CDC25C: variants seen among roughly 807,000 people sequenced by gnomAD.
CDC25C encodes cell division cycle 25C, also known as M-phase inducer phosphatase 3.
A neutral mutation model predicts 52.5 loss-of-function variants in CDC25C; 48 were observed. The ratio of observed to expected loss-of-function variants is 0.91; its 90% CI spans 0.72 to 1.16. The LOEUF (loss-of-function observed/expected upper bound fraction) is 1.16. Among genes scored for constraint, CDC25C ranks in the 50% most tolerant of loss-of-function variants. The pLI is 0.00. For synonymous variants in CDC25C, 187 were observed against 206.5 expected, an observed-to-expected ratio of 0.91 and a Z score of 0.81; for missense variants, 510 against 566.1, an observed-to-expected ratio of 0.90 and a Z score of 1.01.
chr5:138,292,016 T>G lies in CDC25C; in HGVS notation c.716A>C (p.Asp239Ala). The G allele has an allele frequency of 1.2e-6, 2 of 1,611,516 alleles. No homozygotes were observed. The highest frequency in any genetic ancestry group is 1.1e-5 in the South Asian group (1 of 90,638). The change falls in exon 8 of 14, where the codon GAT (aspartate) becomes GCT (alanine). Residue 239 changes from aspartate (D) to alanine (A), a missense_variant. Physicochemically the swap from Asp to Ala is moderately radical, Grantham distance 126. Transcript: ENST00000323760. ...AGAAAAATACTTTTTTTTAACTTTA[T>G]CTGGTATTGTGTTGTCCTTGAATTT... is the stretch of plus-strand genomic sequence containing the variant. ...VEKFKDNTIP[D>A]KVKKKYFSGQ...
intron 8 of CDC25C, among the ~76,000 whole-genome samples, 161 bp downstream of exon 8, chr5:138,291,808 GA>G (rs1208481883): frequency 1.9e-4 from 28 of 150,276 alleles, no homozygotes; most frequent in South Asian, 1.1e-3. Context: ...ATTTCACGTG[GA>G]TACAGATGTA....
upstream of CDC25C, among the ~76,000 whole-genome samples, chr5:138,334,669 C>T (rs1002947584): frequency 2.6e-5 from 4 of 152,170 alleles, no homozygotes; most frequent in Admixed American, 2.0e-4. Flanking sequence ...CTCTTAAAAG[C>T]TCTACGTTTG....
chr5:138,289,999 C>T (rs1473419294), intron 9 of CDC25C, among the ~76,000 whole-genome samples: 1 of 151,688 alleles, frequency 6.6e-6, no homozygotes, highest in Non-Finnish European at 1.5e-5. Context: ...GCCAGGAGCT[C>T]GAGGCTGAAG....
At chr5:138,288,603 G>A (rs1756458030) in intron 10 of CDC25C, among the ~76,000 whole-genome samples, 1 of 152,138 alleles carries the variant, frequency 6.6e-6, no homozygotes, top group African/African-American at 2.4e-5. Context: ...GGCTGAGGCA[G>A]GAGAATGACC....
At chr5:138,297,005 G>A (rs557866483) in intron 7 of CDC25C, among the ~76,000 whole-genome samples, 40 of 150,154 alleles carry the variant, frequency 2.7e-4, no homozygotes, top group Non-Finnish European at 8.9e-5. Context: ...CTGCCTCGCG[G>A]GTTCACGCCA....
In CDC25C at chr5:138,331,102, T is replaced by C. The variant is rs1317029924; in HGVS notation, c.79A>G (p.Lys27Glu). The C allele has an allele frequency of 6.2e-7, 1 of 1,613,968 alleles. No individual in the cohort carries two copies. The highest frequency in any genetic ancestry group is 8.5e-7 in the Non-Finnish European group (1 of 1,179,916). The change falls in exon 2 of 14, where the codon AAA (lysine) becomes GAA (glutamate). Residue 27 changes from lysine to glutamate, a missense_variant. Lys to Glu is a moderately conservative substitution (Grantham distance 56). Coordinates refer to ENST00000323760, the MANE Select transcript of CDC25C (RefSeq NM_001790.5). ...SGPSFRSNQR[K>E]MLNLLLERDT... The stretch of plus-strand genomic sequence containing the variant: ...CTCTCCAGGAGCAGGTTTAACATTT[T>C]CCTTTGATTAGACCTAAAACTGGGT...
At chr5:138,313,379 CAAAAAAAA>C (rs774904685) in intron 7 of CDC25C, among the ~76,000 whole-genome samples, 84 of 37,058 alleles carry the variant, frequency 2.3e-3, no homozygotes, top group Non-Finnish European at 3.6e-3. Flanking sequence ...CTATATCTCA[CAAAAAAAA>C]AAAAAAAAAA....
intron 2 of CDC25C, 79 bp from the exon 3 acceptor site, chr5:138,329,726 C>CT (rs71574413): frequency 0.17 from 48,423 of 289,514 alleles, 5,173 homozygotes; most frequent in African/African-American, 0.34. Flanking sequence ...TCATCCTCTT[C>CT]TTTTTTTTTT....
intron 3 of CDC25C, among the ~76,000 whole-genome samples, chr5:138,329,125 G>A (rs1486167424): frequency 2.0e-5 from 3 of 152,108 alleles, no homozygotes; most frequent in Non-Finnish European, 4.4e-5. Context: ...GGATGGTCTC[G>A]ATCTCTTGAC....
At chr5:138,338,200 C>T (rs972983591) in exon 1 of CDC25C, 50 of 1,280,856 alleles carry the variant, frequency 3.9e-5, no homozygotes, top group Admixed American at 4.6e-5. Flanking sequence ...TCCCCCTACT[C>T]TCCTCAGGGA....
chr5:138,298,820 CA>C (rs1189193359), intron 7 of CDC25C, among the ~76,000 whole-genome samples: 1 of 151,878 alleles, frequency 6.6e-6, no homozygotes, highest in Non-Finnish European at 1.5e-5. Context: ...TGAAATCACA[CA>C]AAATATGTTC....
At chr5:138,309,571 G>A (rs1454994504) in intron 7 of CDC25C, among the ~76,000 whole-genome samples, 2 of 151,862 alleles carry the variant, frequency 1.3e-5, no homozygotes, top group Non-Finnish European at 2.9e-5. Flanking sequence ...ATAAAAGGGC[G>A]ATGGGGGGAG....
At position 138,331,766 on chromosome 5, in the gene CDC25C, C is replaced by G. The variant is rs1195289096; in HGVS notation, c.-210G>C. Reference sequence around the variant, plus strand: ...GCCAACGTCGGACTCAGAGTCTTCCCTGAGCAGAAGGCCAAAGTTACGGCC... The same window carrying G: ...GCCAACGTCGGACTCAGAGTCTTCCGTGAGCAGAAGGCCAAAGTTACGGCC... On this transcript the variant is annotated 5_prime_UTR_variant, in exon 1 of 14. Coordinates refer to ENST00000323760, the MANE Select transcript of CDC25C (RefSeq NM_001790.5). 8 of 966,650 alleles carry G rather than the reference C, an allele frequency of 8.3e-6. No individual in the cohort carries two copies. Among genetic ancestry groups the G allele is most frequent in the African/African-American group, 3.5e-5 (2 of 57,084 alleles). 59.9% of individuals were successfully genotyped at this position (966,650 alleles called of 1,614,324 possible). A position where few individuals can be genotyped will look rare whatever the true frequency, so the allele number is the denominator to read the frequency against.
intron 7 of CDC25C, among the ~76,000 whole-genome samples, chr5:138,310,303 T>G (rs1179648161): frequency 6.6e-6 from 1 of 152,210 alleles, no homozygotes; most frequent in East Asian, 1.9e-4. Flanking sequence ...CATGCATGTC[T>G]ACCTGATAAT....
intron 7 of CDC25C, among the ~76,000 whole-genome samples, chr5:138,306,317 C>T (rs911212885): frequency 6.6e-6 from 1 of 152,062 alleles, no homozygotes; most frequent in Non-Finnish European, 1.5e-5. Context: ...GTTTTGTTCA[C>T]CATCGTATCA....
intron 3 of CDC25C, 126 bp downstream of exon 3, chr5:138,329,427 C>T: frequency 4.7e-6 from 3 of 636,718 alleles, no homozygotes; most frequent in Admixed American, 5.3e-5. Context: ...TAGTTACCCA[C>T]AAAATTCCAT....
In CDC25C at chr5:138,337,477, C is replaced by G. The variant is rs17171800; in HGVS notation, c.13+479G>C. The stretch of plus-strand genomic sequence containing the variant: ...CTCCCCACCTCCCCGCACCTCCCCC[C>G]AGGCAAACGCAAGCAACTGAACCGC... On this transcript the variant is annotated intron_variant, in intron 1 of 5. Coordinates refer to the CDC25C transcript ENST00000510119. The G allele has an allele frequency of 4.5e-3, 702 of 157,196 alleles. 9 individuals carry two copies. Among genetic ancestry groups the G allele is most frequent in the East Asian group, 0.024 (131 of 5,430 alleles). The allele number at this position is 157,196 out of a possible 1,614,324, so 9.7% of individuals were successfully genotyped here.
At chr5:138,322,446 CCT>C (rs1759496274) in intron 6 of CDC25C, among the ~76,000 whole-genome samples, 2 of 149,220 alleles carry the variant, frequency 1.3e-5, no homozygotes, top group African/African-American at 4.9e-5. Context: ...ATTACAGATG[CCT>C]GCCACCACGC....
intron 7 of CDC25C, among the ~76,000 whole-genome samples, chr5:138,309,673 G>A (rs1319085094): frequency 1.3e-5 from 2 of 150,976 alleles, no homozygotes; most frequent in African/African-American, 4.9e-5. Flanking sequence ...GCTCAAACAT[G>A]GCATGCCCTC....
Sources: allele counts gnomAD v4.1 joint callset (sites outside exome capture counted in the v4.1 genomes callset), GRCh38; gene constraint gnomAD v4.1.1; transcripts MANE v1.5; gene names NCBI Gene and HGNC (gene_info 2026-07-23, HGNC 2026-07-21).